TSPAN5: variants seen among roughly 807,000 people sequenced by gnomAD.
TSPAN5 encodes tetraspanin 5, also known as tetraspanin-5.
In TSPAN5, 10 loss-of-function variants were observed where a neutral mutation model predicts 37.1. The ratio of observed to expected loss-of-function variants is 0.27; its 90% CI spans 0.17 to 0.46. The LOEUF (loss-of-function observed/expected upper bound fraction) is 0.46. Among genes scored for constraint, TSPAN5 ranks in the 20% least tolerant of loss-of-function variants. The pLI, the probability that TSPAN5 is intolerant of heterozygous loss-of-function variation, is 1.00. For missense variants in TSPAN5, 195 were observed against 326.6 expected (o/e 0.60, Z 3.11); for synonymous variants, 110 against 118.9 (o/e 0.93, Z 0.48).
intron 1 of TSPAN5, among the ~76,000 whole-genome samples, chr4:98,581,245 T>A (rs1212271863): frequency 6.6e-6 from 1 of 152,154 alleles, no homozygotes. Flanking sequence ...GAAAAAGCCA[T>A]TCTGAACACA....
At chr4:98,563,575 G>A (rs1337403435) in intron 1 of TSPAN5, among the ~76,000 whole-genome samples, 1 of 152,144 alleles carries the variant, frequency 6.6e-6, no homozygotes, top group African/African-American at 2.4e-5. Context: ...CATGCACACA[G>A]ACACAGTTAA....
intron 1 of TSPAN5, among the ~76,000 whole-genome samples, chr4:98,645,727 G>C (rs372227819): frequency 6.6e-6 from 1 of 152,306 alleles, no homozygotes; most frequent in Admixed American, 6.5e-5. Context: ...AACATGGTTC[G>C]TGTTTACGCA....
chr4:98,555,625 TA>T (rs900244310), intron 1 of TSPAN5, among the ~76,000 whole-genome samples: 2 of 151,994 alleles, frequency 1.3e-5, no homozygotes, highest in Non-Finnish European at 2.9e-5. Context: ...CAGAAGGTAT[TA>T]AAAAAAATTG....
intron 1 of TSPAN5, among the ~76,000 whole-genome samples, chr4:98,643,304 T>G (rs1441597514): frequency 1.3e-5 from 2 of 152,164 alleles, no homozygotes; most frequent in Non-Finnish European, 2.9e-5. Flanking sequence ...TGTAGTAGGC[T>G]ACACACCGTC....
At chr4:98,564,135 C>T (rs550089623) in intron 1 of TSPAN5, among the ~76,000 whole-genome samples, 2 of 152,288 alleles carry the variant, frequency 1.3e-5, no homozygotes, top group Non-Finnish European at 2.9e-5. Flanking sequence ...TTTCCCCAGC[C>T]CCTCCTGTTA....
At chr4:98,601,097 A>T (rs574220211) in intron 1 of TSPAN5, among the ~76,000 whole-genome samples, 13 of 152,226 alleles carry the variant, frequency 8.5e-5, no homozygotes, top group Non-Finnish European at 1.9e-4. Flanking sequence ...AGTGGCCTTA[A>T]AATATTCAGT....
At chr4:98,506,578 C>G (rs1189916211) in intron 2 of TSPAN5, among the ~76,000 whole-genome samples, 2 of 152,104 alleles carry the variant, frequency 1.3e-5, no homozygotes, top group Non-Finnish European at 2.9e-5. Flanking sequence ...GCCTACTGGC[C>G]TCTGAGGGGC....
chr4:98,604,563 A>G (rs1185542558), intron 1 of TSPAN5, among the ~76,000 whole-genome samples: 1 of 152,244 alleles, frequency 6.6e-6, no homozygotes, highest in Non-Finnish European at 1.5e-5. Context: ...TGTCTTTACC[A>G]TTATCTAGGC....
At chr4:98,552,778 A>C (rs1005373506) in intron 1 of TSPAN5, among the ~76,000 whole-genome samples, 2 of 152,226 alleles carry the variant, frequency 1.3e-5, no homozygotes, top group African/African-American at 4.8e-5. Flanking sequence ...CCTAAGAATG[A>C]AGCCAGTCCA....
intron 1 of TSPAN5, among the ~76,000 whole-genome samples, chr4:98,593,229 A>G (rs1755695745): frequency 1.8e-4 from 1 of 5,516 alleles, no homozygotes; most frequent in South Asian, 3.0e-3. Context: ...GGCTGCATAA[A>G]TGTCTTCTTT....
intron 1 of TSPAN5, among the ~76,000 whole-genome samples, chr4:98,578,788 T>C (rs1755304002): frequency 6.6e-6 from 1 of 152,114 alleles, no homozygotes; most frequent in Admixed American, 6.6e-5. Context: ...AGGTAGACAG[T>C]GCCACTTTTC....
chr4:98,616,812 C>T (rs911717535), intron 1 of TSPAN5, among the ~76,000 whole-genome samples: 11 of 151,604 alleles, frequency 7.3e-5, no homozygotes, highest in African/African-American at 1.9e-4. Flanking sequence ...CATAAAATAA[C>T]GATACACTCC....
chr4:98,612,264 G>C (rs938391588), intron 1 of TSPAN5, among the ~76,000 whole-genome samples: 1 of 152,160 alleles, frequency 6.6e-6, no homozygotes, highest in Non-Finnish European at 1.5e-5. Flanking sequence ...AAGAGGAGCA[G>C]GAGGAAGAAG....
chr4:98,563,250 A>C (rs1201030200), intron 1 of TSPAN5, among the ~76,000 whole-genome samples: 1 of 152,012 alleles, frequency 6.6e-6, no homozygotes, highest in East Asian at 1.9e-4. Context: ...GGGAAAGAGA[A>C]GAAACCGGGA....
At chr4:98,487,415 A>AG (rs765605994) in intron 2 of TSPAN5, among the ~76,000 whole-genome samples, 1 of 152,260 alleles carries the variant, frequency 6.6e-6, no homozygotes, top group East Asian at 1.9e-4. Context: ...ACCCCCAGAG[A>AG]GGGGGGAGGT....
chr4:98,638,374 A>T lies in TSPAN5; in HGVS notation c.81+19772T>A, dbSNP rs548586754. Among the ~76,000 whole-genome samples, 276 of 152,214 alleles carry T rather than the reference A, an allele frequency of 1.8e-3. 3 individuals are homozygous for T. The highest frequency in any genetic ancestry group is 5.8e-3 in the African/African-American group (241 of 41,536). ...GTGAAGCCTTCATCAGGTCTAAGGG[A>T]GCTGAGATGCTCTGAGGAGCCACCC... is the stretch of plus-strand genomic sequence containing the variant. On this transcript the variant is annotated intron_variant, in intron 1 of 7. Transcript: ENST00000305798.
intron 1 of TSPAN5, among the ~76,000 whole-genome samples, chr4:98,645,420 A>T (rs184791993): frequency 6.6e-6 from 1 of 152,358 alleles, no homozygotes; most frequent in African/African-American, 2.4e-5. Context: ...TTTGAGATTC[A>T]AAGTGAGATC....
intron 2 of TSPAN5, among the ~76,000 whole-genome samples, chr4:98,506,229 C>T (rs1376872085): frequency 6.6e-6 from 1 of 152,114 alleles, no homozygotes; most frequent in Non-Finnish European, 1.5e-5. Flanking sequence ...TTCCCAGATT[C>T]CACAAATTTC....
intron 1 of TSPAN5, among the ~76,000 whole-genome samples, chr4:98,530,141 C>T (rs917843939): frequency 2.0e-5 from 3 of 152,186 alleles, no homozygotes; most frequent in African/African-American, 7.2e-5. Flanking sequence ...CAGGCCATCA[C>T]CTGACTGGGT....
Sources: gnomAD v4.1 joint callset for allele counts (sites outside exome capture counted in the v4.1 genomes callset) on GRCh38, gnomAD v4.1.1 for gene constraint, MANE v1.5 for transcripts, NCBI Gene and HGNC (gene_info 2026-07-23, HGNC 2026-07-21) for gene names.